The following ZFHX3 variants were observed in gnomAD, a reference collection of about 807,000 sequenced individuals.
ZFHX3 encodes zinc finger homeobox 3, also known as zinc finger homeobox protein 3.
Under a neutral mutation model 279.1 loss-of-function variants are expected in ZFHX3, and 42 were observed. The observed-to-expected ratio is 0.15, with a 90% CI of 0.12 to 0.19. ZFHX3 has a LOEUF of 0.19. Ranked by LOEUF, ZFHX3 falls within the 10% of genes least tolerant of loss-of-function variation. ZFHX3 has a pLI of 1.00. For missense variants in ZFHX3, 4,981 were observed against 4,754.0 expected (o/e 1.05, Z -1.40); for synonymous variants, 2,293 against 1,957.8 (o/e 1.17, Z -4.52).
intron 2 of ZFHX3, among the ~76,000 whole-genome samples, chr16:73,603,301 GAAAAGA>G (rs2052142999): frequency 1.4e-5 from 2 of 139,376 alleles, no homozygotes; most frequent in African/African-American, 6.5e-5. Context: ...AAAAAAGAAA[GAAAAGA>G]AAAGAAAAAA....
intron 3 of ZFHX3, among the ~76,000 whole-genome samples, chr16:73,362,980 A>G (rs890198437): frequency 2.0e-5 from 3 of 152,272 alleles, no homozygotes; most frequent in Non-Finnish European, 4.4e-5. Context: ...AATGATCACA[A>G]TACTTTGTAA....
intron 3 of ZFHX3, among the ~76,000 whole-genome samples, chr16:72,892,515 T>G (rs1342022117): frequency 4.0e-5 from 6 of 151,822 alleles, no homozygotes; most frequent in Admixed American, 2.0e-4. Flanking sequence ...TATTGGTTTT[T>G]TTTTTTTTTT....
chr16:73,698,053 CA>C (rs570904649), intron 1 of ZFHX3, among the ~76,000 whole-genome samples: 18 of 149,552 alleles, frequency 1.2e-4, no homozygotes, highest in Non-Finnish European at 2.1e-4. Flanking sequence ...AGAGCCATAT[CA>C]AAAAAAAACA....
chr16:73,669,407 C>T (rs2052879640), intron 2 of ZFHX3, among the ~76,000 whole-genome samples: 1 of 152,212 alleles, frequency 6.6e-6, no homozygotes, highest in African/African-American at 2.4e-5. Flanking sequence ...ACTGGAGAAA[C>T]TCCCACGTGA....
chr16:73,659,367 A>G (rs1486120887), intron 2 of ZFHX3, among the ~76,000 whole-genome samples: 1 of 152,148 alleles, frequency 6.6e-6, no homozygotes, highest in East Asian at 1.9e-4. Context: ...CCTTCACTCT[A>G]ATTAAAACCT....
In ZFHX3 at chr16:72,784,827, G is replaced by A. The variant is rs1365347854; in HGVS notation, c.*2337C>T. The A allele has an allele frequency of 6.6e-6, 1 of 152,376 alleles. No individual in the cohort carries two copies. Among genetic ancestry groups the A allele is most frequent in the Non-Finnish European group, 1.5e-5 (1 of 68,004 alleles). The allele number at this position is 152,376 out of a possible 1,614,324, so 9.4% of individuals were successfully genotyped here. On this transcript the variant is annotated 3_prime_UTR_variant, in exon 10 of 10. Transcript: ENST00000268489. ...AAAAAGGAATTTGCACTGTGCATCA[G>A]CCTAGTTAGAAATATGTACAACATT... is the stretch of plus-strand genomic sequence containing the variant.
chr16:73,711,030 T>G (rs2053357735), intron 1 of ZFHX3, among the ~76,000 whole-genome samples: 2 of 152,170 alleles, frequency 1.3e-5, no homozygotes, highest in Non-Finnish European at 2.9e-5. Flanking sequence ...AATTCAAAAG[T>G]TAGAGCTAAT....
rs77106476 is a variant in ZFHX3 at position 72,906,951 on chromosome 16, C to T, written c.3217-16989G>A. Among the ~76,000 whole-genome samples, 6 of 152,294 alleles carry T rather than the reference C, an allele frequency of 3.9e-5. No homozygotes were observed. In the East Asian group the frequency reaches 5.8e-4, roughly 15 times the overall value. On this transcript the variant is annotated intron_variant, in intron 3 of 9. Transcript: ENST00000268489. Reference sequence around the variant, plus strand: ...AGGTGGAAAGCATCAGGACACATCACGCATGCTACAAGTTTTTATGTGACG... The same window carrying T: ...AGGTGGAAAGCATCAGGACACATCATGCATGCTACAAGTTTTTATGTGACG...
In ZFHX3 at chr16:73,071,476, T is replaced by C. The variant is rs570076029; in HGVS notation, c.-532-12464A>G. Among the ~76,000 whole-genome samples the C allele has an allele frequency of 2.0e-3, 305 of 151,170 alleles. 2 individuals carry two copies. Among genetic ancestry groups the C allele is most frequent in the East Asian group, 9.4e-3 (48 of 5,112 alleles). On this transcript the variant is annotated intron_variant, in intron 8 of 17. Transcript: ENST00000641206. ...TTTTCTCTGCTGCTGCTGCTGCTGC[T>C]GCCGCCGCCGCCGCCGCCGCCGATA...
At chr16:73,412,009 C>G (rs934571860) in intron 3 of ZFHX3, among the ~76,000 whole-genome samples, 20 of 152,128 alleles carry the variant, frequency 1.3e-4, no homozygotes, top group Non-Finnish European at 2.4e-4. Context: ...GACAGATAGG[C>G]AGTCTTCCAA....
chr16:73,150,280 A>G (rs1013944284), intron 5 of ZFHX3, among the ~76,000 whole-genome samples: 9 of 152,142 alleles, frequency 5.9e-5, no homozygotes, highest in African/African-American at 2.2e-4. Flanking sequence ...TAAGAATGTT[A>G]TCCCTGTAGT....
intron 1 of ZFHX3, among the ~76,000 whole-genome samples, chr16:73,012,514 G>T (rs1339948572): frequency 2.0e-5 from 3 of 152,268 alleles, no homozygotes; most frequent in African/African-American, 7.2e-5. Flanking sequence ...ACAAGTGTAG[G>T]GAGGGGCCCA....
chr16:73,682,131 A>C (rs2142195891), intron 1 of ZFHX3, among the ~76,000 whole-genome samples: 1 of 152,334 alleles, frequency 6.6e-6, no homozygotes, highest in South Asian at 2.1e-4. Context: ...GAAGTCAGGC[A>C]ATCTGGCTTT....
chr16:73,230,856 G>A (rs1413685733), intron 5 of ZFHX3, among the ~76,000 whole-genome samples: 1 of 152,212 alleles, frequency 6.6e-6, no homozygotes, highest in Non-Finnish European at 1.5e-5. Flanking sequence ...CGCTGCTGCT[G>A]CTGGCTGATA....
rs1403551835 is a variant in ZFHX3 at position 72,796,140 on chromosome 16, T to C, written c.6542A>G (p.Lys2181Arg). 1 of 1,614,062 alleles carries C rather than the reference T, an allele frequency of 6.2e-7. No homozygotes were observed. The highest frequency in any genetic ancestry group is 1.3e-5 in the African/African-American group (1 of 74,932). The change falls in exon 9 of 10, where the codon AAG (lysine) becomes AGG (arginine). Residue 2181 changes from lysine (K) to arginine (R), a missense_variant. Lys to Arg is a conservative substitution (Grantham distance 26, BLOSUM62 2). Coordinates refer to ENST00000268489, the MANE Select transcript of ZFHX3 (RefSeq NM_006885.4). ...GATCACTTTCTGGGGCAACCCGGAC[T>C]TGTCTGCCATCTCTTTTATTTGCTC... ...SEEQIKEMAD[K>R]SGLPQKVIKH...
chr16:73,268,708 G>A (rs2014054472), intron 4 of ZFHX3, among the ~76,000 whole-genome samples: 2 of 152,322 alleles, frequency 1.3e-5, no homozygotes, highest in East Asian at 3.9e-4. Context: ...TCAGCCTTTT[G>A]TTTTAAAATG....
chr16:73,782,079 T>C (rs1392477249), intron 1 of ZFHX3, among the ~76,000 whole-genome samples: 4 of 152,236 alleles, frequency 2.6e-5, no homozygotes, highest in African/African-American at 9.6e-5. Context: ...CATTGCCCAG[T>C]GCAGAGTTCT....
intron 5 of ZFHX3, among the ~76,000 whole-genome samples, chr16:73,231,650 T>G (rs1362010594): frequency 6.6e-6 from 1 of 152,220 alleles, no homozygotes; most frequent in Non-Finnish European, 1.5e-5. Context: ...CTGGTGGTCC[T>G]TATCTCTACT....
chr16:73,739,056 A>AGCGGTCGAGGCTTCCC (rs2053631999), intron 1 of ZFHX3, among the ~76,000 whole-genome samples: 1 of 152,140 alleles, frequency 6.6e-6, no homozygotes, highest in South Asian at 2.1e-4. Context: ...TCGGACAAGG[A>AGCGGTCGAGGCTTCCC]GCGGTCGAGG....
Sources: allele counts gnomAD v4.1 joint callset (sites outside exome capture counted in the v4.1 genomes callset), GRCh38; gene constraint gnomAD v4.1.1; transcripts MANE v1.5; gene names NCBI Gene and HGNC (gene_info 2026-07-23, HGNC 2026-07-21).